Variants in HEATR5A observed in about 807,000 individuals in gnomAD.
HEATR5A encodes the protein HEAT repeat-containing protein 5A.
In HEATR5A, 178 loss-of-function variants were observed where a neutral mutation model predicts 218.8. The ratio of observed to expected loss-of-function variants is 0.81; its 90% CI spans 0.72 to 0.92. The LOEUF (loss-of-function observed/expected upper bound fraction) is 0.92, where lower values mean the gene tolerates loss of function less well. HEATR5A is among the 40% of genes least tolerant of loss of function. The pLI is 0.00. For missense variants in HEATR5A, 2,420 were observed against 2,418.9 expected, an observed-to-expected ratio of 1.00 and a Z score of -0.01; for synonymous variants, 864 against 871.6, an observed-to-expected ratio of 0.99 and a Z score of 0.15.
At chr14:31,369,415 C>A (rs1901934042) in intron 13 of HEATR5A, among the ~76,000 whole-genome samples, 1 of 151,902 alleles carries the variant, frequency 6.6e-6, no homozygotes, top group African/African-American at 2.4e-5. Flanking sequence ...AAGTTCAAAA[C>A]CAGCCTGGCC....
intron 16 of HEATR5A, among the ~76,000 whole-genome samples, chr14:31,358,210 C>T (rs186917623): frequency 4.1e-4 from 63 of 152,284 alleles, no homozygotes; most frequent in African/African-American, 1.5e-3. Flanking sequence ...GTCTAAAGTT[C>T]ATTTTAAGTG....
At chr14:31,401,267 A>G (rs533795676) in intron 2 of HEATR5A, among the ~76,000 whole-genome samples, 147 of 152,144 alleles carry the variant, frequency 9.7e-4, no homozygotes, top group Non-Finnish European at 1.7e-3. Context: ...GGTGGATTTC[A>G]CCCATGCTGT....
chr14:31,387,043 T>A (rs2030254612), intron 8 of HEATR5A, 77 bp downstream of exon 8: 7 of 1,387,190 alleles, frequency 5.0e-6, no homozygotes, highest in Non-Finnish European at 7.0e-6. Flanking sequence ...AATATAGTAT[T>A]ATATATCAGT....
intron 28 of HEATR5A, among the ~76,000 whole-genome samples, chr14:31,312,517 ATCC>A (rs1899790454): frequency 6.6e-6 from 1 of 151,724 alleles, no homozygotes; most frequent in African/African-American, 2.4e-5. Flanking sequence ...GGTTCAAGCA[ATCC>A]TCCTGCCTCA....
At chr14:31,382,449 T>A (rs926929064) in intron 10 of HEATR5A, among the ~76,000 whole-genome samples, 22 of 152,308 alleles carry the variant, frequency 1.4e-4, no homozygotes, top group East Asian at 3.9e-4. Context: ...TGTATTTTTT[T>A]AAATATATTT....
At chr14:31,297,807 A>T (rs1899238889) in intron 33 of HEATR5A, 1 of 152,194 alleles carries the variant, frequency 6.6e-6, no homozygotes. Flanking sequence ...TGGACAAGAA[A>T]CACAAATTCA....
chr14:31,375,763 A>G (rs1595151989), intron 11 of HEATR5A, among the ~76,000 whole-genome samples: 3 of 152,310 alleles, frequency 2.0e-5, no homozygotes, highest in South Asian at 2.1e-4. Context: ...CAGATACAAA[A>G]TGTCTGAATA....
chr14:31,364,571 C>G, intron 13 of HEATR5A, among the ~76,000 whole-genome samples: 1 of 152,148 alleles, frequency 6.6e-6, no homozygotes, highest in East Asian at 1.9e-4. Flanking sequence ...CAGGGTTGCA[C>G]TACCATGCCT....
At chr14:31,349,741 C>A (rs780618346) in intron 18 of HEATR5A, 48 bp downstream of exon 18, 18 of 1,281,544 alleles carry the variant, frequency 1.4e-5, no homozygotes, top group South Asian at 3.8e-5. Context: ...AAAGCTATAC[C>A]CAGTTTTGAA....
At chr14:31,301,845 T>G (rs551442075) in intron 33 of HEATR5A, among the ~76,000 whole-genome samples, 3 of 126,544 alleles carry the variant, frequency 2.4e-5, no homozygotes, top group Admixed American at 9.8e-5. Context: ...TGAGACAGAG[T>G]CTCGCTCTGT....
At chr14:31,302,796 GAATTT>G in intron 32 of HEATR5A, 1 of 353,614 alleles carries the variant, frequency 2.8e-6, no homozygotes, top group Non-Finnish European at 5.2e-6. Flanking sequence ...GTCGATAAAT[GAATTT>G]ATTTTTATTT....
intron 28 of HEATR5A, among the ~76,000 whole-genome samples, chr14:31,311,189 A>G (rs1297341483): frequency 6.6e-6 from 1 of 152,222 alleles, no homozygotes; most frequent in Non-Finnish European, 1.5e-5. Flanking sequence ...GAAGATTAAG[A>G]GCGGCTACAA....
chr14:31,297,391 G>GT (rs1173095533), intron 33 of HEATR5A: 1 of 152,318 alleles, frequency 6.6e-6, no homozygotes, highest in Non-Finnish European at 1.5e-5. Context: ...GACTGGTTGA[G>GT]TCCAGGAGTT....
rs1445070038 is a variant in HEATR5A, at chr14:31,293,961, A to G, written c.5763T>C (p.Ala1921=). The change falls in exon 35 of 36, where the codon GCT becomes GCC. Residue 1921 remains alanine (A), a synonymous_variant. Transcript: ENST00000543095. ...TGCCTTCTTGGAAGATCTCAAGCTC[A>G]GCAGTGTTTTCAGGTTTTCTCTTGT... ...EIDKRKPENT[A]ELEIFQEGIK... is the part of the protein sequence containing the mutation. 6.2e-7 allele frequency: 1 copy of G among 1,608,082 alleles called. No individual in the cohort carries two copies. The highest frequency in any genetic ancestry group is 1.1e-5 in the South Asian group (1 of 89,686).
At chr14:31,302,541 AAC>A in intron 32 of HEATR5A, 22 bp from the exon 33 acceptor site, 1 of 1,457,060 alleles carries the variant, frequency 6.9e-7, no homozygotes, top group African/African-American at 1.4e-5. Context: ...ATTTTTTAAA[AAC>A]ACACTGGATT....
At chr14:31,318,985 C>T (rs1364266174) in intron 25 of HEATR5A, among the ~76,000 whole-genome samples, 2 of 152,088 alleles carry the variant, frequency 1.3e-5, no homozygotes, top group African/African-American at 4.8e-5. Context: ...AGAATAAGTC[C>T]ACTGTGGAAG....
At chr14:31,322,641 G>C (rs529385340) in intron 24 of HEATR5A, among the ~76,000 whole-genome samples, 15 of 151,902 alleles carry the variant, frequency 9.9e-5, no homozygotes, top group African/African-American at 3.4e-4. Flanking sequence ...AACATAATAA[G>C]ATCTCACTTC....
chr14:31,321,435 C>T lies in HEATR5A; in HGVS notation c.3969+64G>A, dbSNP rs1900104129. On this transcript the variant is annotated intron_variant, in intron 25 of 35. Transcript: ENST00000543095. ...GGGATTACAGGCATGAGCCACCATG[C>T]CTGGCCTCATAGACTTTTTATCTGT... 21 of 1,320,986 alleles carry T rather than the reference C, an allele frequency of 1.6e-5. 1 individual carries two copies. The highest frequency in any genetic ancestry group is 1.9e-5 in the Non-Finnish European group (18 of 972,106). The allele number at this position is 1,320,986 out of a possible 1,614,324, so 81.8% of individuals were successfully genotyped here.
intron 13 of HEATR5A, among the ~76,000 whole-genome samples, chr14:31,369,661 C>T (rs977276043): frequency 5.0e-5 from 7 of 139,292 alleles, no homozygotes; most frequent in Admixed American, 2.2e-4. Flanking sequence ...GACGCAGTGG[C>T]TCATGCCTGT....
Sources: gnomAD v4.1 joint callset for allele counts (sites outside exome capture counted in the v4.1 genomes callset) on GRCh38, gnomAD v4.1.1 for gene constraint, MANE v1.5 for transcripts, NCBI Gene and HGNC (gene_info 2026-07-23, HGNC 2026-07-21) for gene names.